CCDC186: variants seen among roughly 807,000 people sequenced by gnomAD.
CCDC186 encodes the protein coiled-coil domain-containing protein 186.
Under a neutral mutation model 113.7 loss-of-function variants are expected in CCDC186, and 49 were observed. The observed-to-expected ratio is 0.43, with a 90% CI of 0.34 to 0.55. The LOEUF is 0.55. CCDC186 is among the 20% of genes least tolerant of loss of function. The probability of loss-of-function intolerance (pLI) is 0.02; values close to 1 mark genes in which losing one functional copy is unlikely to be tolerated. For missense variants in CCDC186, 890 were observed against 1,011.1 expected, an observed-to-expected ratio of 0.88 and a Z score of 1.62; for synonymous variants, 355 against 345.8, an observed-to-expected ratio of 1.03 and a Z score of -0.30.
intron 2 of CCDC186, among the ~76,000 whole-genome samples, chr10:114,159,481 A>G (rs553451849): frequency 1.1e-4 from 17 of 152,072 alleles, no homozygotes; most frequent in African/African-American, 4.1e-4. Flanking sequence ...CGTCTCTACT[A>G]AAAATACAAA....
intron 4 of CCDC186, among the ~76,000 whole-genome samples, chr10:114,150,375 T>G (rs576047293): frequency 6.6e-4 from 101 of 152,194 alleles, no homozygotes; most frequent in African/African-American, 2.2e-3. Context: ...ATATTAAGTA[T>G]GGGAAAAAAG....
intron 6 of CCDC186, among the ~76,000 whole-genome samples, chr10:114,140,247 G>C (rs764848903): frequency 6.6e-6 from 1 of 152,232 alleles, no homozygotes; most frequent in Non-Finnish European, 1.5e-5. Flanking sequence ...TGAAAGTTTA[G>C]ATAGAATACC....
At position 114,122,583 on chromosome 10, in the gene CCDC186, C is replaced by CA. The variant is rs1442310305; in HGVS notation, c.*2559dup. On this transcript the variant is annotated 3_prime_UTR_variant, in exon 16 of 16. Transcript: ENST00000369287. The stretch of plus-strand genomic sequence containing the variant: ...AACAACCAATAATGAACATATAAAA[C>CA]AAACTTCCCCCCAGGTCTCAGATTT... The CA allele has an allele frequency of 2.0e-5, 3 of 152,006 alleles. No individual in the cohort carries two copies. The East Asian group carries it at 5.8e-4, about 29-fold the overall frequency. The allele number at this position is 152,006 out of a possible 1,614,324, so 9.4% of individuals were successfully genotyped here.
chr10:114,136,976 G>T (rs1344060534), intron 7 of CCDC186, among the ~76,000 whole-genome samples: 1 of 152,034 alleles, frequency 6.6e-6, no homozygotes, highest in Non-Finnish European at 1.5e-5. Flanking sequence ...ATTTAGCCAG[G>T]TGTGGTGGCA....
chr10:114,170,238 C>CA (rs998627450), intron 1 of CCDC186, among the ~76,000 whole-genome samples: 71 of 146,842 alleles, frequency 4.8e-4, no homozygotes, highest in South Asian at 3.9e-3. Flanking sequence ...AGGGCTATTT[C>CA]AAAAAAAAAA....
intron 3 of CCDC186, among the ~76,000 whole-genome samples, chr10:114,153,978 G>A (rs1247319360): frequency 3.3e-5 from 5 of 151,912 alleles, no homozygotes. Context: ...GGGAGGCTGA[G>A]GCAGGTGGAT....
chr10:114,163,321 G>A lies in CCDC186; in HGVS notation c.-53C>T, dbSNP rs1397331192. 1 of 1,546,790 alleles carries A rather than the reference G, an allele frequency of 6.5e-7. No individual in the cohort carries two copies. The highest frequency in any genetic ancestry group is 1.2e-5 in the South Asian group (1 of 82,754). On this transcript the variant is annotated 5_prime_UTR_variant, in exon 2 of 16. It adds an upstream start codon to the 5' untranslated region. Coordinates refer to ENST00000369287, the MANE Select transcript of CCDC186 (RefSeq NM_018017.4). ...TTCTTCAAATCTGCTCCTGATCTTC[G>A]TTTTACATCTAAGAAATTGAAACAT...
At position 114,121,061 on chromosome 10, in the gene CCDC186, G is replaced by A. The variant is rs1041977307; in HGVS notation, c.*4082C>T. ...CATCATTGCAGTCAAAATGGATAGC[G>A]ATTTGCATTTTAGAAAAAGAATTCC... On this transcript the variant is annotated 3_prime_UTR_variant, in exon 16 of 16. Transcript: ENST00000369287. 2 of 152,000 alleles carry A rather than the reference G, an allele frequency of 1.3e-5. No homozygotes were observed. Among genetic ancestry groups the A allele is most frequent in the South Asian group, 2.1e-4 (1 of 4,830 alleles). 9.4% of individuals were successfully genotyped at this position (152,000 alleles called of 1,614,324 possible).
chr10:114,127,665 A>G lies in CCDC186; in HGVS notation c.2189T>C (p.Leu730Pro). 1.9e-6 allele frequency: 3 copies of G among 1,613,404 alleles called. No individual in the cohort carries two copies. Among genetic ancestry groups the G allele is most frequent in the Non-Finnish European group, 1.7e-6 (2 of 1,179,822 alleles). Reference protein sequence around the residue: ...MGSRSSSSGSLNARSSAEDRS... With the variant: ...MGSRSSSSGSPNARSSAEDRS... ...ATCTTCTGCACTGCTTCGAGCATTC[A>G]GGGACCCTGAAGACAAAAAAAATTG... is the stretch of plus-strand genomic sequence containing the variant. The change falls in exon 14 of 16, where the codon CTG becomes CCG. Residue 730 changes from leucine (L) to proline (P), a missense_variant. Physicochemically the swap from Leu to Pro is moderately conservative, Grantham distance 98 (BLOSUM62 -3). Coordinates refer to ENST00000369287, the MANE Select transcript of CCDC186 (RefSeq NM_018017.4).
At chr10:114,140,262 G>T (rs2031424408) in intron 6 of CCDC186, among the ~76,000 whole-genome samples, 1 of 152,190 alleles carries the variant, frequency 6.6e-6, no homozygotes, top group Non-Finnish European at 1.5e-5. Flanking sequence ...AATACCTGGG[G>T]AAAGTCTCAT....
chr10:114,167,954 C>G (rs1285661103), intron 1 of CCDC186, among the ~76,000 whole-genome samples: 2 of 151,986 alleles, frequency 1.3e-5, no homozygotes, highest in East Asian at 3.8e-4. Flanking sequence ...CCACTGTACT[C>G]CAGCCTGAGC....
chr10:114,164,114 A>ATT (rs35615169), intron 1 of CCDC186, among the ~76,000 whole-genome samples: 1,835 of 79,212 alleles, frequency 0.023, 218 homozygotes, highest in Non-Finnish European at 0.032. Context: ...ATATATATAT[A>ATT]TTTTTTTTTT....
intron 1 of CCDC186, among the ~76,000 whole-genome samples, chr10:114,172,204 T>C (rs541484052): frequency 6.6e-6 from 1 of 152,224 alleles, no homozygotes; most frequent in Non-Finnish European, 1.5e-5. Flanking sequence ...GAGAAACTAG[T>C]GCAGATTACC....
At chr10:114,143,156 G>A (rs748087565) in intron 6 of CCDC186, among the ~76,000 whole-genome samples, 5 of 152,184 alleles carry the variant, frequency 3.3e-5, no homozygotes, top group South Asian at 4.1e-4. Context: ...TAACCTTACA[G>A]AAGTCAGCCT....
intron 1 of CCDC186, among the ~76,000 whole-genome samples, chr10:114,167,457 T>G (rs2032368496): frequency 6.6e-6 from 1 of 152,094 alleles, no homozygotes; most frequent in African/African-American, 2.4e-5. Context: ...TGTCCACAAT[T>G]AACCAGAAGA....
chr10:114,126,186 A>G, intron 14 of CCDC186, 81 bp from the exon 15 acceptor site: 1 of 1,016,112 alleles, frequency 9.8e-7, no homozygotes, highest in African/African-American at 1.6e-5. Context: ...CTAATCATAA[A>G]GATAAGCATA....
intron 3 of CCDC186, among the ~76,000 whole-genome samples, chr10:114,152,116 G>A (rs1478423050): frequency 6.6e-6 from 1 of 152,128 alleles, no homozygotes; most frequent in Non-Finnish European, 1.5e-5. Flanking sequence ...TGAGGAGAGG[G>A]AATTGCCTGA....
chr10:114,127,690 G>C lies in CCDC186; in HGVS notation c.2183-19C>G. The C allele has an allele frequency of 1.2e-6, 2 of 1,607,484 alleles. No homozygotes were observed. Among genetic ancestry groups the C allele is most frequent in the Non-Finnish European group, 1.7e-6 (2 of 1,176,268 alleles). The stretch of plus-strand genomic sequence containing the variant: ...AGGGACCCTGAAGACAAAAAAAATT[G>C]GTTTAGATACTGTGCTTAATCTAAC... On this transcript the variant is annotated intron_variant, in intron 13 of 15. Transcript: ENST00000369287.
rs1411717450 is a variant in CCDC186, at chr10:114,174,029, C to T, written c.-76G>A. The T allele has an allele frequency of 4.2e-6, 2 of 471,696 alleles. No individual in the cohort carries two copies. The highest frequency in any genetic ancestry group is 8.8e-6 in the Non-Finnish European group (2 of 227,062). 29.2% of individuals were successfully genotyped at this position (471,696 alleles called of 1,614,324 possible). On this transcript the variant is annotated 5_prime_UTR_variant, in exon 1 of 16. Transcript: ENST00000369287. ...CAGACACTTACCCCACTTATCCAAGCCTCAGGCCACGCCCTAACAAGGCTG... is the reference window on the plus strand; with the variant it reads ...CAGACACTTACCCCACTTATCCAAGTCTCAGGCCACGCCCTAACAAGGCTG...
Sources: allele counts gnomAD v4.1 joint callset (sites outside exome capture counted in the v4.1 genomes callset), GRCh38; gene constraint gnomAD v4.1.1; transcripts MANE v1.5; gene names NCBI Gene and HGNC (gene_info 2026-07-23, HGNC 2026-07-21).